Variants in GLUD1 observed in about 807,000 individuals in gnomAD.
GLUD1 encodes the protein glutamate dehydrogenase 1.
Under a neutral mutation model 56.0 loss-of-function variants are expected in GLUD1, and 22 were observed. The observed-to-expected ratio is 0.39, with a 90% CI of 0.28 to 0.56. The LOEUF (loss-of-function observed/expected upper bound fraction) is 0.56, where lower values mean the gene tolerates loss of function less well. Ranked by LOEUF, GLUD1 falls within the 20% of genes least tolerant of loss-of-function variation. The probability of loss-of-function intolerance (pLI) is 0.58; values close to 1 mark genes in which losing one functional copy is unlikely to be tolerated. For synonymous variants in GLUD1, 223 were observed against 269.9 expected, an observed-to-expected ratio of 0.83 and a Z score of 1.70; for missense variants, 451 against 732.0, an observed-to-expected ratio of 0.62 and a Z score of 4.43.
chr10:87,059,351 T>C, intron 9 of GLUD1, 78 bp from the exon 10 acceptor site: 1 of 1,365,764 alleles, frequency 7.3e-7, no homozygotes, highest in South Asian at 1.2e-5. Context: ...AGACCTTAAT[T>C]TCAATACCAA....
At position 87,062,637 on chromosome 10, in the gene GLUD1, T is replaced by C. The variant is rs754498433; in HGVS notation, c.921+19A>G. ...TGTCTATCAGTTATTAAGGAAACTT[T>C]TTTTGTTTTTGTTTTTACCTGAACA... On this transcript the variant is annotated intron_variant, in intron 6 of 12. Coordinates refer to ENST00000277865, the MANE Select transcript of GLUD1 (RefSeq NM_005271.5). 2.5e-6 allele frequency: 4 copies of C among 1,599,942 alleles called. No homozygotes were observed. The Admixed American group carries it at 6.7e-5, about 27-fold the overall frequency.
intron 5 of GLUD1, among the ~76,000 whole-genome samples, chr10:87,065,879 A>G (rs1846062641): frequency 6.6e-6 from 1 of 152,166 alleles, no homozygotes; most frequent in African/African-American, 2.4e-5. Context: ...CTCCCAAGTC[A>G]CAGCACTGAT....
In GLUD1 at chr10:87,077,373, C is replaced by T. The variant is rs142582455; in HGVS notation, c.446-717G>A. 6.5e-3 allele frequency among the ~76,000 whole-genome samples: 992 copies of T among 152,000 alleles called. 8 individuals carry two copies. Among genetic ancestry groups the T allele is most frequent in the African/African-American group, 0.02 (819 of 41,446 alleles). The stretch of plus-strand genomic sequence containing the variant: ...TGAATAATCACCAGGTTCAAAATAC[C>T]GTATGTCTAAACAGAGGTTTTGGCT... On this transcript the variant is annotated intron_variant, in intron 1 of 12. Coordinates refer to ENST00000277865, the MANE Select transcript of GLUD1 (RefSeq NM_005271.5).
At chr10:87,075,636 T>C (rs1846365599) in intron 3 of GLUD1, among the ~76,000 whole-genome samples, 1 of 152,176 alleles carries the variant, frequency 6.6e-6, no homozygotes, top group Non-Finnish European at 1.5e-5. Flanking sequence ...AAATGTCACT[T>C]TGAGGCCGGG....
chr10:87,091,494 T>A (rs1166827461), intron 1 of GLUD1: 3 of 219,994 alleles, frequency 1.4e-5, no homozygotes, highest in Non-Finnish European at 2.3e-5. Context: ...ATCAGTCGCA[T>A]ATTCTCACAC....
intron 1 of GLUD1, among the ~76,000 whole-genome samples, chr10:87,079,989 C>G (rs1422953025): frequency 6.7e-6 from 1 of 148,602 alleles, no homozygotes; most frequent in Non-Finnish European, 1.5e-5. Context: ...TGATGCCGAG[C>G]GGAAGCTGGA....
At chr10:87,052,894 C>A (rs1160372457) in intron 12 of GLUD1, among the ~76,000 whole-genome samples, 1 of 152,066 alleles carries the variant, frequency 6.6e-6, no homozygotes, top group Non-Finnish European at 1.5e-5. Flanking sequence ...CATCATAAAT[C>A]CAAGCAGATA....
In GLUD1 at chr10:87,060,897, A is replaced by C; in HGVS notation, c.1059+18T>G. 1 of 1,613,906 alleles carries C rather than the reference A, an allele frequency of 6.2e-7. No homozygotes were observed. The highest frequency in any genetic ancestry group is 8.5e-7 in the Non-Finnish European group (1 of 1,179,744). On this transcript the variant is annotated intron_variant, in intron 7 of 12. Transcript: ENST00000277865. ...AATATTTATATTTAGTGTCTATGCT[A>C]TAAAAATGTATTAATACCAATTTGA... is the stretch of plus-strand genomic sequence containing the variant.
At chr10:87,083,699 A>AC (rs1841316881) in intron 1 of GLUD1, among the ~76,000 whole-genome samples, 1 of 152,226 alleles carries the variant, frequency 6.6e-6, no homozygotes, top group South Asian at 2.1e-4. Flanking sequence ...CCAAAGTCTT[A>AC]GACAGTTAGG....
chr10:87,060,549 TG>T, intron 8 of GLUD1, 138 bp downstream of exon 8: 1 of 1,080,564 alleles, frequency 9.3e-7, no homozygotes. Context: ...GTACCTTAAA[TG>T]GGGGAACTGT....
chr10:87,055,450 T>C (rs898666329), intron 11 of GLUD1, among the ~76,000 whole-genome samples: 1 of 152,040 alleles, frequency 6.6e-6, no homozygotes. Flanking sequence ...TGACAAGGCA[T>C]ATGCTGGGCA....
intron 4 of GLUD1, among the ~76,000 whole-genome samples, chr10:87,070,078 A>C (rs1328049224): frequency 6.6e-6 from 1 of 152,218 alleles, no homozygotes; most frequent in African/African-American, 2.4e-5. Context: ...ACAAATGACA[A>C]ATTGGTCCTG....
At chr10:87,088,206 C>A (rs1841430982) in intron 1 of GLUD1, among the ~76,000 whole-genome samples, 1 of 145,712 alleles carries the variant, frequency 6.9e-6, no homozygotes, top group Non-Finnish European at 1.5e-5. Flanking sequence ...TTGACTGGTT[C>A]TAGGAAAGGA....
intron 1 of GLUD1, 111 bp from the exon 2 acceptor site, chr10:87,076,767 C>T: frequency 2.6e-6 from 2 of 759,714 alleles, no homozygotes; most frequent in Admixed American, 1.9e-5. Flanking sequence ...AAAATATCCA[C>T]TTTTTACATT....
chr10:87,067,327 C>G (rs907628153), intron 5 of GLUD1, among the ~76,000 whole-genome samples: 1 of 152,194 alleles, frequency 6.6e-6, no homozygotes, highest in Non-Finnish European at 1.5e-5. Context: ...CAGCCTCAAC[C>G]TCCTGGGCTC....
chr10:87,094,167 G>A lies in GLUD1; in HGVS notation c.445+158C>T, dbSNP rs1841640731. On this transcript the variant is annotated intron_variant, in intron 1 of 12. Transcript: ENST00000277865. The surrounding 1 kb of genome is among the most constrained non-coding windows in gnomAD (Gnocchi z 6.6). ...TAAGGCGGAAAAATCACCATCCACA[G>A]AGCCGGCCACATCCGAGGCGGGGTG... 7.1e-7 allele frequency: 1 copy of A among 1,403,010 alleles called. No homozygotes were observed. Among genetic ancestry groups the A allele is most frequent in the Admixed American group, 2.5e-5 (1 of 39,914 alleles). The allele number at this position is 1,403,010 out of a possible 1,614,324, so 86.9% of individuals were successfully genotyped here. A position where few individuals can be genotyped will look rare whatever the true frequency, so the allele number is the denominator to read the frequency against.
chr10:87,060,952 T>C lies in GLUD1; in HGVS notation c.1022A>G (p.Asp341Gly), dbSNP rs922599385. The C allele has an allele frequency of 1.2e-6, 2 of 1,614,160 alleles. No individual in the cohort carries two copies. Among genetic ancestry groups the C allele is most frequent in the Non-Finnish European group, 1.7e-6 (2 of 1,179,986 alleles). ...TTCCAGTTCCTTTGGGTCAATACCATCTGGATTCCATATACTCCCATCAGA... is the reference window on the plus strand; with the variant it reads ...TTCCAGTTCCTTTGGGTCAATACCACCTGGATTCCATATACTCCCATCAGA... ...GESDGSIWNP[D>G]GIDPKELEDF... is the part of the protein sequence containing the mutation. Residue 341 changes from aspartate to glycine, a missense_variant, in exon 7 of 13, where the codon GAT (aspartate) becomes GGT (glycine). This residue lies in a region of GLUD1 where 248 missense variants were observed against 460.0 expected (regional missense o/e 0.54). Coordinates refer to ENST00000277865, the MANE Select transcript of GLUD1 (RefSeq NM_005271.5).
At position 87,081,105 on chromosome 10, in the gene GLUD1, G is replaced by A. The variant is rs571755112; in HGVS notation, c.446-4449C>T. Among the ~76,000 whole-genome samples, 880 of 146,656 alleles carry A rather than the reference G, an allele frequency of 6.0e-3. 15 individuals are homozygous for A. Among genetic ancestry groups the A allele is most frequent in the African/African-American group, 0.021 (846 of 39,584 alleles). On this transcript the variant is annotated intron_variant, in intron 1 of 12. Coordinates refer to ENST00000277865, the MANE Select transcript of GLUD1 (RefSeq NM_005271.5). ...CCCCGCCCGGCCAGCCGCCTCTTCCGGGAGGTGAGGGGGCGCCTCTGCCCG... is the reference window on the plus strand; with the variant it reads ...CCCCGCCCGGCCAGCCGCCTCTTCCAGGAGGTGAGGGGGCGCCTCTGCCCG...
chr10:87,061,547 C>T lies in GLUD1; in HGVS notation c.922-495G>A, dbSNP rs183945391. ...AATGGCAGTGGTGTTAAGTACACCA[C>T]CAGGTCCTCAGTCCTTGATGATCAG... On this transcript the variant is annotated intron_variant, in intron 6 of 12. Transcript: ENST00000277865. Among the ~76,000 whole-genome samples the T allele has an allele frequency of 1.1e-3, 164 of 152,146 alleles. 2 individuals carry two copies. The highest frequency in any genetic ancestry group is 9.4e-3 in the Admixed American group (143 of 15,274).
Sources: gnomAD v4.1 joint callset for allele counts (sites outside exome capture counted in the v4.1 genomes callset) on GRCh38, gnomAD v4.1.1 for gene constraint, gnomAD v4.1.1 regional missense constraint, Gnocchi (gnomAD v3.1) non-coding constraint, MANE v1.5 for transcripts, NCBI Gene and HGNC (gene_info 2026-07-23, HGNC 2026-07-21) for gene names.